Variants in UGGT2 observed in about 807,000 individuals in gnomAD.
UGGT2 encodes UDP-glucose glycoprotein glucosyltransferase 2, also known as UDP-glucose:glycoprotein glucosyltransferase 2.
UGGT2 carries 180 observed loss-of-function variants against 192.1 expected under a neutral mutation model. The ratio of observed to expected loss-of-function variants is 0.94; its 90% CI spans 0.83 to 1.06. UGGT2 has a LOEUF of 1.06. UGGT2 is among the 50% of genes least tolerant of loss of function. UGGT2 has a pLI of 0.00. For synonymous variants in UGGT2, 580 were observed against 591.0 expected, an observed-to-expected ratio of 0.98 and a Z score of 0.27; for missense variants, 1,849 against 1,795.7, an observed-to-expected ratio of 1.03 and a Z score of -0.54.
chr13:95,911,524 G>A (rs896107275), intron 20 of UGGT2, among the ~76,000 whole-genome samples: 1 of 152,094 alleles, frequency 6.6e-6, no homozygotes, highest in South Asian at 2.1e-4. Context: ...ACCCTCCCAA[G>A]ACTAAACCAG....
chr13:95,851,772 T>C (rs184911385), intron 36 of UGGT2, among the ~76,000 whole-genome samples: 11 of 152,314 alleles, frequency 7.2e-5, no homozygotes, highest in African/African-American at 2.6e-4. Flanking sequence ...AATGTGGTAA[T>C]GTAGTACTGG....
At chr13:95,921,919 T>C (rs2048857078) in intron 20 of UGGT2, among the ~76,000 whole-genome samples, 1 of 152,158 alleles carries the variant, frequency 6.6e-6, no homozygotes, top group Admixed American at 6.5e-5. Context: ...AACAACTCCA[T>C]TGCTGGGTAT....
chr13:95,977,239 G>T (rs1395796073), intron 10 of UGGT2, among the ~76,000 whole-genome samples: 1 of 152,118 alleles, frequency 6.6e-6, no homozygotes, highest in African/African-American at 2.4e-5. Context: ...CACAGCAAAA[G>T]AAACTATCAT....
At chr13:95,916,591 A>G (rs2048688165) in intron 20 of UGGT2, among the ~76,000 whole-genome samples, 1 of 152,224 alleles carries the variant, frequency 6.6e-6, no homozygotes, top group African/African-American at 2.4e-5. Context: ...AAGGTGGGTA[A>G]TAAGGAACTT....
At position 95,936,948 on chromosome 13, in the gene UGGT2, T is replaced by C. The variant is rs1441618857; in HGVS notation, c.1953A>G (p.Val651=). 1.3e-6 allele frequency: 2 copies of C among 1,582,600 alleles called. No individual in the cohort carries two copies. The highest frequency in any genetic ancestry group is 1.4e-5 in the African/African-American group (1 of 72,692). The change falls in exon 17 of 39, where the codon GTA becomes GTG. Residue 651 remains valine (V), a synonymous_variant. Transcript: ENST00000376747. ...AVLQRMMDAS[V]YLQREVFLGT... is the part of the protein sequence containing the mutation. The stretch of plus-strand genomic sequence containing the variant: ...CCAAAAAAACTTCTCTTTGTAAATA[T>C]ACAGATGCATCCATCATTCTTTGAA...
At chr13:95,951,233 CA>C (rs201534095) in intron 12 of UGGT2, among the ~76,000 whole-genome samples, 1,773 of 151,846 alleles carry the variant, frequency 0.012, 34 homozygotes, top group African/African-American at 0.041. Context: ...ATAAAAATTA[CA>C]AAAAGAACCA....
intron 12 of UGGT2, among the ~76,000 whole-genome samples, chr13:95,957,658 G>C (rs1159556836): frequency 3.3e-5 from 5 of 152,228 alleles, no homozygotes; most frequent in East Asian, 1.9e-4. Context: ...TCCACACACA[G>C]AGTGACTGTC....
At position 95,927,022 on chromosome 13, in the gene UGGT2, T is replaced by C; in HGVS notation, c.2200+6A>G. On this transcript the variant is annotated splice_donor_region_variant and intron_variant, in intron 19 of 38. Transcript: ENST00000376747. ...AGAATTCAGGTAAATAAAATATGCT[T>C]ATTACCGTCTTGGGTTAAATAATAC... 1 of 1,593,114 alleles carries C rather than the reference T, an allele frequency of 6.3e-7. No homozygotes were observed. The highest frequency in any genetic ancestry group is 8.5e-7 in the Non-Finnish European group (1 of 1,172,516).
rs140792115 is a variant in UGGT2, at chr13:95,990,420, T to C, written c.831-347A>G. 1.7e-3 allele frequency: 256 copies of C among 153,768 alleles called. 1 individual carries two copies. The highest frequency in any genetic ancestry group is 5.9e-3 in the African/African-American group (244 of 41,646). 9.5% of individuals were successfully genotyped at this position (153,768 alleles called of 1,614,324 possible). A position where few individuals can be genotyped will look rare whatever the true frequency, so the allele number is the denominator to read the frequency against. Reference sequence around the variant, plus strand: ...TAAATTGCAAGCCTTGCTTTTATAATTGAAAATAAAAACTATAAGGAAAGT... The same window carrying C: ...TAAATTGCAAGCCTTGCTTTTATAACTGAAAATAAAAACTATAAGGAAAGT... On this transcript the variant is annotated intron_variant, in intron 7 of 38. Transcript: ENST00000376747.
At chr13:95,808,077 T>C (rs1370780832) in intron 38 of UGGT2, among the ~76,000 whole-genome samples, 1 of 152,058 alleles carries the variant, frequency 6.6e-6, no homozygotes, top group Non-Finnish European at 1.5e-5. Context: ...ACTCATGGAG[T>C]TCTGGGTGGC....
In UGGT2 at chr13:95,863,415, T is replaced by G. The variant is rs536774395; in HGVS notation, c.3644+214A>C. 3.1e-4 allele frequency: 127 copies of G among 403,690 alleles called. 2 individuals are homozygous for G. The South Asian group carries it at 5.8e-3, about 18-fold the overall frequency. 25.0% of individuals were successfully genotyped at this position (403,690 alleles called of 1,614,324 possible). On this transcript the variant is annotated intron_variant, in intron 31 of 38. Transcript: ENST00000376747. ...AGGTTCCTTGTAAGTGGATATATAA[T>G]TTTTCTCCATTGGTTTGTATAGTAT...
intron 1 of UGGT2, among the ~76,000 whole-genome samples, chr13:96,051,680 T>C (rs1326996174): frequency 6.7e-6 from 1 of 149,164 alleles, no homozygotes; most frequent in African/African-American, 2.4e-5. Flanking sequence ...GCTAAGGACA[T>C]GAATAGACAA....
intron 36 of UGGT2, among the ~76,000 whole-genome samples, chr13:95,844,204 C>CTG (rs1888155528): frequency 6.6e-6 from 1 of 152,154 alleles, no homozygotes; most frequent in Non-Finnish European, 1.5e-5. Context: ...TCAAGTGATC[C>CTG]ACCTGCCTCG....
chr13:96,023,296 T>G (rs1489151104), intron 3 of UGGT2, 144 bp from the exon 4 acceptor site: 5 of 623,098 alleles, frequency 8.0e-6, no homozygotes, highest in African/African-American at 1.9e-5. Context: ...CATCTATACG[T>G]AGGTAGAATC....
At chr13:96,009,070 T>C (rs2052072703) in intron 5 of UGGT2, among the ~76,000 whole-genome samples, 1 of 152,124 alleles carries the variant, frequency 6.6e-6, no homozygotes, top group South Asian at 2.1e-4. Context: ...TTGACAAAGC[T>C]GACAAAAGCA....
At chr13:95,860,766 T>C (rs758661915) in intron 32 of UGGT2, 22 bp downstream of exon 32, 18 of 1,381,946 alleles carry the variant, frequency 1.3e-5, no homozygotes, top group South Asian at 1.7e-5. Flanking sequence ...TTTCAAAATA[T>C]AAGGTTAAAA....
chr13:95,959,845 TACACC>T, intron 12 of UGGT2, among the ~76,000 whole-genome samples: 1 of 152,196 alleles, frequency 6.6e-6, no homozygotes, highest in Non-Finnish European at 1.5e-5. Context: ...GGTGCTAGTG[TACACC>T]ACCCTGGGGG....
rs375501112 is a variant in UGGT2, at chr13:95,996,028, A to G, written c.830+35T>C. The G allele has an allele frequency of 2.6e-5, 41 of 1,577,822 alleles. No individual in the cohort carries two copies. In the African/African-American group the frequency reaches 5.4e-4, roughly 21 times the overall value. ...ATTAATTCCTTAAAAACCAATGGGT[A>G]TAATAATACCAATTTCATTTCCATT... On this transcript the variant is annotated intron_variant, in intron 7 of 38. Transcript: ENST00000376747.
At chr13:95,923,234 T>A (rs936701133) in intron 20 of UGGT2, among the ~76,000 whole-genome samples, 7 of 151,918 alleles carry the variant, frequency 4.6e-5, no homozygotes, top group African/African-American at 1.2e-4. Context: ...TTTAAAAAAA[T>A]TTTTTTTAGA....
Sources: gnomAD v4.1 joint callset for allele counts (sites outside exome capture counted in the v4.1 genomes callset) on GRCh38, gnomAD v4.1.1 for gene constraint, MANE v1.5 for transcripts, NCBI Gene and HGNC (gene_info 2026-07-23, HGNC 2026-07-21) for gene names.